The following ZNF343 variants were observed in gnomAD, a reference collection of about 807,000 sequenced individuals.
The protein encoded by ZNF343 is zinc finger protein 343.
In ZNF343, 11 loss-of-function variants were observed where a neutral mutation model predicts 13.8. The observed-to-expected ratio is 0.80, with a 90% CI of 0.50 to 1.32. ZNF343 has a LOEUF of 1.32. Ranked by LOEUF, ZNF343 falls within the 40% of genes most tolerant of loss-of-function variation. ZNF343 has a pLI of 0.00. For synonymous variants in ZNF343, 248 were observed against 260.0 expected, an observed-to-expected ratio of 0.95 and a Z score of 0.44; for missense variants, 658 against 714.2, an observed-to-expected ratio of 0.92 and a Z score of 0.90.
At chr20:2,497,894 T>C (rs2085487251) in intron 2 of ZNF343, among the ~76,000 whole-genome samples, 1 of 148,082 alleles carries the variant, frequency 6.8e-6, no homozygotes, top group Non-Finnish European at 1.5e-5. Flanking sequence ...TTCATATGGC[T>C]CCTCCATATG....
Position 2,493,510 on chromosome 20 carries a change from C to T in ZNF343, c.177+9G>A, listed in dbSNP as rs760044228. 2 of 1,613,318 alleles carry T rather than the reference C, an allele frequency of 1.2e-6. No individual in the cohort carries two copies. Among genetic ancestry groups the T allele is most frequent in the South Asian group, 2.2e-5 (2 of 91,062 alleles). On this transcript the variant is annotated intron_variant, in intron 4 of 5. Coordinates refer to ENST00000278772, the MANE Select transcript of ZNF343 (RefSeq NM_024325.6). ...TTCAGGAAAAAAAAAAAATGTAACC[C>T]CAACTCACCACTATTTGGGCCTTTC...
At chr20:2,504,145 T>C (rs6515483) in intron 1 of ZNF343, among the ~76,000 whole-genome samples, 65,725 of 151,826 alleles carry the variant, frequency 0.43, 14,454 homozygotes, top group Non-Finnish European at 0.46. Flanking sequence ...ACTGATCCCA[T>C]AGAAATACAA....
rs150768950 is a variant in ZNF343 at position 2,522,401 on chromosome 20, C to T, written c.-347+2054G>A. 9.3e-4 allele frequency among the ~76,000 whole-genome samples: 142 copies of T among 152,250 alleles called. 1 individual carries two copies. Among genetic ancestry groups the T allele is most frequent in the African/African-American group, 3.2e-3 (132 of 41,546 alleles). On this transcript the variant is annotated intron_variant, in intron 1 of 6. Coordinates refer to the ZNF343 transcript ENST00000358413. Reference sequence around the variant, plus strand: ...TTGTAAACATACATTTTTATTTCAACATAATAAGGTACTTTGGAGTTACCT... The same window carrying T: ...TTGTAAACATACATTTTTATTTCAATATAATAAGGTACTTTGGAGTTACCT...
In ZNF343 at chr20:2,483,336, G is replaced by C; in HGVS notation, c.1625C>G (p.Thr542Arg). The change falls in exon 6 of 6, where the codon ACA (threonine) becomes AGA (arginine). Residue 542 changes from threonine to arginine, a missense_variant. Coordinates refer to ENST00000278772, the MANE Select transcript of ZNF343 (RefSeq NM_024325.6). Reference sequence around the variant, plus strand: ...CACGTAAGGCTTCTCTCCTGAGTGTGTCCTCTCATGTACAATGAGGGTTGA... The same window carrying C: ...CACGTAAGGCTTCTCTCCTGAGTGTCTCCTCTCATGTACAATGAGGGTTGA... Reference protein sequence around the residue: ...DKSTLIVHERTHSGEKPYVCS... With the variant: ...DKSTLIVHERRHSGEKPYVCS... The C allele has an allele frequency of 6.2e-7, 1 of 1,611,734 alleles. No individual in the cohort carries two copies. Among genetic ancestry groups the C allele is most frequent in the Non-Finnish European group, 8.5e-7 (1 of 1,179,478 alleles).
At chr20:2,509,059 C>G (rs1007624988), upstream of ZNF343, 1 of 152,316 alleles carries the variant, frequency 6.6e-6, no homozygotes, top group African/African-American at 2.4e-5. Flanking sequence ...CTTAAAATAC[C>G]CATGTTGAAA....
chr20:2,504,535 C>T (rs1380701933), intron 1 of ZNF343, among the ~76,000 whole-genome samples: 2 of 152,130 alleles, frequency 1.3e-5, no homozygotes, highest in Admixed American at 6.6e-5. Context: ...TGATGAACAT[C>T]GATGCAAAAA....
In ZNF343 at chr20:2,483,999, T is replaced by C; in HGVS notation, c.962A>G (p.Glu321Gly). The change falls in exon 6 of 6, where the codon GAA becomes GGA. Residue 321 changes from glutamate (E) to glycine (G), a missense_variant. Coordinates refer to ENST00000278772, the MANE Select transcript of ZNF343 (RefSeq NM_024325.6). ...NLSRHQRTHS[E>G]EKPYLCRECG... ...CTCCCTGCACAAATAAGGCTTCTCT[T>C]CTGAATGTGTTCTCTGGTGTCTGCT... The C allele has an allele frequency of 6.2e-7, 1 of 1,614,082 alleles. No homozygotes were observed. The highest frequency in any genetic ancestry group is 8.5e-7 in the Non-Finnish European group (1 of 1,179,996).
Position 2,482,302 on chromosome 20 carries a change from C to T in ZNF343, c.*859G>A, listed in dbSNP as rs992739433. The T allele has an allele frequency of 2.6e-5, 4 of 152,162 alleles. No individual in the cohort carries two copies. Among genetic ancestry groups the T allele is most frequent in the African/African-American group, 9.7e-5 (4 of 41,408 alleles). 9.4% of individuals were successfully genotyped at this position (152,162 alleles called of 1,614,324 possible). ...AAGCCTTATCTACACTCCTTATATA[C>T]CTAACATGTCTTAGAATCAATTATC... On this transcript the variant is annotated 3_prime_UTR_variant, in exon 6 of 6. Coordinates refer to ENST00000278772, the MANE Select transcript of ZNF343 (RefSeq NM_024325.6).
At chr20:2,511,072 G>A (rs2085736934), upstream of ZNF343, among the ~76,000 whole-genome samples, 1 of 151,736 alleles carries the variant, frequency 6.6e-6, no homozygotes, top group Admixed American at 6.6e-5. Context: ...ACCTTCTCAA[G>A]TTTTAAGACT....
chr20:2,508,200 A>C lies in ZNF343; in HGVS notation c.-237+681T>G, dbSNP rs1400271417. Among the ~76,000 whole-genome samples the C allele has an allele frequency of 6.6e-6, 1 of 151,830 alleles. No individual in the cohort carries two copies. The highest frequency in any genetic ancestry group is 6.6e-5 in the Admixed American group (1 of 15,244). ...ACGAAACCTCCCTCACCTCCCTAAA[A>C]ACCCCAGGGACTCCTGACCCAAGAC... is the stretch of plus-strand genomic sequence containing the variant. On this transcript the variant is annotated intron_variant, in intron 1 of 5. Coordinates refer to ENST00000278772, the MANE Select transcript of ZNF343 (RefSeq NM_024325.6). This position sits in a 1 kb window ranked among gnomAD's most constrained non-coding sequence, Gnocchi z 4.5.
At chr20:2,484,778 A>T in intron 5 of ZNF343, 122 bp from the exon 6 acceptor site, 1 of 863,576 alleles carries the variant, frequency 1.2e-6, no homozygotes, top group Non-Finnish European at 1.7e-6. Context: ...AGTATAACAC[A>T]ATTTGCTTCT....
At chr20:2,487,955 T>C (rs2085307388) in intron 5 of ZNF343, among the ~76,000 whole-genome samples, 1 of 152,256 alleles carries the variant, frequency 6.6e-6, no homozygotes, top group Non-Finnish European at 1.5e-5. Flanking sequence ...TTATATTTTA[T>C]TTTGTGAATC....
In ZNF343 at chr20:2,493,789, T is replaced by C; in HGVS notation, c.107A>G (p.His36Arg). 6 of 1,612,958 alleles carry C rather than the reference T, an allele frequency of 3.7e-6. No individual in the cohort carries two copies. The highest frequency in any genetic ancestry group is 5.1e-6 in the Non-Finnish European group (6 of 1,178,934). The change falls in exon 3 of 6, where the codon CAT (histidine) becomes CGT (arginine). Residue 36 changes from histidine (H) to arginine (R), a missense_variant. By Grantham distance (29) the His-to-Arg change is conservative (BLOSUM62 0). Transcript: ENST00000278772. The part of the protein sequence containing the change: ...VETMKKLTQN[H>R]KAKGLPSNDT... ...TCAACAATTCTCACCTTTCGCTTTA[T>C]GATTTTGGGTCAATTTCTTCATAGT...
intron 1 of ZNF343, among the ~76,000 whole-genome samples, chr20:2,524,300 G>A (rs576290554): frequency 7.6e-4 from 116 of 152,286 alleles, no homozygotes; most frequent in African/African-American, 2.6e-3. Flanking sequence ...GACAAAGGGA[G>A]ACCCTGCCTC....
intron 1 of ZNF343, among the ~76,000 whole-genome samples, chr20:2,521,401 G>C (rs1410515414): frequency 1.3e-5 from 2 of 152,178 alleles, no homozygotes; most frequent in Non-Finnish European, 2.9e-5. Flanking sequence ...GAATACGGTG[G>C]ACTTTTTATA....
intron 1 of ZNF343, among the ~76,000 whole-genome samples, chr20:2,522,527 G>T (rs192949136): frequency 6.6e-6 from 1 of 152,186 alleles, no homozygotes; most frequent in Non-Finnish European, 1.5e-5. Flanking sequence ...CAGTTTGTTC[G>T]TCTGTCTTTC....
intron 1 of ZNF343, among the ~76,000 whole-genome samples, chr20:2,522,747 G>A (rs976966130): frequency 6.6e-6 from 1 of 152,306 alleles, no homozygotes; most frequent in South Asian, 2.1e-4. Context: ...TCAGGAGCTC[G>A]AGACCAGCCT....
chr20:2,520,782 C>G (rs1297955417), intron 1 of ZNF343, among the ~76,000 whole-genome samples: 2 of 152,148 alleles, frequency 1.3e-5, no homozygotes, highest in Admixed American at 6.5e-5. Context: ...GTGACTCACA[C>G]CATAGGCAAG....
intron 2 of ZNF343, among the ~76,000 whole-genome samples, chr20:2,496,862 C>G (rs1298666237): frequency 6.6e-6 from 1 of 152,188 alleles, no homozygotes; most frequent in Non-Finnish European, 1.5e-5. Flanking sequence ...GGGCAGATCA[C>G]CTGAGGTCGG....
Sources: gnomAD v4.1 joint callset for allele counts (sites outside exome capture counted in the v4.1 genomes callset) on GRCh38, gnomAD v4.1.1 for gene constraint, Gnocchi (gnomAD v3.1) non-coding constraint, MANE v1.5 for transcripts, NCBI Gene and HGNC (gene_info 2026-07-23, HGNC 2026-07-21) for gene names.